The following JAG1 variants were observed in gnomAD, a reference collection of about 807,000 sequenced individuals.
JAG1 encodes protein jagged-1.
JAG1 carries 23 observed loss-of-function variants against 148.7 expected under a neutral mutation model. The observed-to-expected ratio is 0.15, with a 90% CI of 0.11 to 0.22. The LOEUF (loss-of-function observed/expected upper bound fraction) is 0.22, where lower values mean the gene tolerates loss of function less well. JAG1 is among the 10% of genes least tolerant of loss of function. JAG1 has a pLI of 1.00. For missense variants in JAG1, 1,054 were observed against 1,611.2 expected (o/e 0.65, Z 5.92); for synonymous variants, 572 against 598.3 (o/e 0.96, Z 0.64).
intron 2 of JAG1, among the ~76,000 whole-genome samples, chr20:10,670,135 A>T (rs1027790303): frequency 6.6e-6 from 1 of 152,184 alleles, no homozygotes; most frequent in Non-Finnish European, 1.5e-5. Flanking sequence ...ACACCAGAAC[A>T]TGGACTGTAT....
At position 10,639,709 on chromosome 20, in the gene JAG1, A is replaced by G; in HGVS notation, c.3446T>C (p.Ile1149Thr). 1 of 1,614,018 alleles carries G rather than the reference A, an allele frequency of 6.2e-7. No individual in the cohort carries two copies. Among genetic ancestry groups the G allele is most frequent in the Non-Finnish European group, 8.5e-7 (1 of 1,180,004 alleles). ...TTCTACTTCAGAATTGTGTGTCCTT[A>G]TTTTAGACATTTTGGAGTTCTTGTT... The part of the protein sequence containing the change: ...YENKNSKMSK[I>T]RTHNSEVEED... The change falls in exon 26 of 26, where the codon ATA becomes ACA. Residue 1149 changes from isoleucine to threonine, a missense_variant. Transcript: ENST00000254958.
chr20:10,650,476 C>G (rs1382370552), intron 8 of JAG1, 116 bp from the exon 9 acceptor site: 1 of 710,690 alleles, frequency 1.4e-6, no homozygotes, highest in Admixed American at 2.0e-5. Context: ...ACACCTGCTA[C>G]AAGGAAAGCT....
Position 10,645,274 on chromosome 20 carries a change from A to G in JAG1, c.2114-18T>C, listed in dbSNP as rs766999933. On this transcript the variant is annotated intron_variant, in intron 16 of 25. Transcript: ENST00000254958. This position sits in a 1 kb window ranked among gnomAD's most constrained non-coding sequence, Gnocchi z 6.1. ...ACTGTCACCTGGAGGAAAATATTTCAGTGTGAGTCCCAGTGGCCCCCTCCC... is the reference window on the plus strand; with the variant it reads ...ACTGTCACCTGGAGGAAAATATTTCGGTGTGAGTCCCAGTGGCCCCCTCCC... The G allele has an allele frequency of 2.4e-5, 39 of 1,611,256 alleles. No homozygotes were observed. In the Admixed American group the frequency reaches 6.5e-4, roughly 27 times the overall value.
rs2067303100 is a variant in JAG1 at position 10,645,529 on chromosome 20, G to A, written c.2000-60C>T. 2.9e-6 allele frequency: 4 copies of A among 1,361,144 alleles called. No individual in the cohort carries two copies. The highest frequency in any genetic ancestry group is 1.7e-5 in the Admixed American group (1 of 59,462). 84.3% of individuals were successfully genotyped at this position (1,361,144 alleles called of 1,614,324 possible). ...AGATCCAGGACCATTCACGACAGGC[G>A]AGAGCCAAGCCTTTCCTACTGCTTA... On this transcript the variant is annotated intron_variant, in intron 15 of 25. Transcript: ENST00000254958. This position sits in a 1 kb window ranked among gnomAD's most constrained non-coding sequence, Gnocchi z 6.1.
rs2067346533 is a variant in JAG1, at chr20:10,651,564, C to G, written c.1120+17G>C. The G allele has an allele frequency of 6.5e-7, 1 of 1,546,282 alleles. No homozygotes were observed. Among genetic ancestry groups the G allele is most frequent in the African/African-American group, 1.4e-5 (1 of 73,534 alleles). Reference sequence around the variant, plus strand: ...CAAGGATCCTTAGAATGGACACAGGCTGAAAATTGGACTTACTTGTAGAGC... The same window carrying G: ...CAAGGATCCTTAGAATGGACACAGGGTGAAAATTGGACTTACTTGTAGAGC... On this transcript the variant is annotated intron_variant, in intron 8 of 25. Coordinates refer to ENST00000254958, the MANE Select transcript of JAG1 (RefSeq NM_000214.3).
At chr20:10,652,889 G>A (rs954666648) in intron 5 of JAG1, among the ~76,000 whole-genome samples, 1 of 152,132 alleles carries the variant, frequency 6.6e-6, no homozygotes, top group Non-Finnish European at 1.5e-5. Context: ...TGAGCCAAAG[G>A]TGAAGGCATG....
intron 2 of JAG1, among the ~76,000 whole-genome samples, chr20:10,671,493 C>T (rs1360917870): frequency 6.6e-6 from 1 of 152,142 alleles, no homozygotes; most frequent in Non-Finnish European, 1.5e-5. Context: ...CATACACAGA[C>T]ACAGCCAGAT....
At chr20:10,644,436 T>G in intron 18 of JAG1, 52 bp from the exon 19 acceptor site, 5 of 1,489,556 alleles carry the variant, frequency 3.4e-6, no homozygotes, top group Non-Finnish European at 4.7e-6. Flanking sequence ...GAAAGCGGTC[T>G]TAGCCCTAAG....
At position 10,638,578 on chromosome 20, in the gene JAG1, G is replaced by C. The variant is rs1054934856; in HGVS notation, c.*920C>G. The C allele has an allele frequency of 2.6e-5, 4 of 152,586 alleles. No homozygotes were observed. The highest frequency in any genetic ancestry group is 9.7e-5 in the African/African-American group (4 of 41,422). 9.5% of individuals were successfully genotyped at this position (152,586 alleles called of 1,614,324 possible). A position where few individuals can be genotyped will look rare whatever the true frequency, so the allele number is the denominator to read the frequency against. On this transcript the variant is annotated 3_prime_UTR_variant, in exon 26 of 26. Transcript: ENST00000254958. Reference sequence around the variant, plus strand: ...CTAAACTAATCCTCAAACTGCCTCAGTCAGTCCTTAAAACGTGTTTTAAGT... The same window carrying C: ...CTAAACTAATCCTCAAACTGCCTCACTCAGTCCTTAAAACGTGTTTTAAGT...
At chr20:10,641,729 T>G (rs769685437) in intron 22 of JAG1, 36 bp from the exon 23 acceptor site, 1 of 1,610,860 alleles carries the variant, frequency 6.2e-7, no homozygotes, top group Non-Finnish European at 8.5e-7. Flanking sequence ...TTAGCAGGCA[T>G]GCTCATCCCT....
intron 19 of JAG1, 90 bp from the exon 20 acceptor site, chr20:10,643,953 C>G (rs761219587): frequency 5.3e-6 from 5 of 950,052 alleles, no homozygotes; most frequent in Non-Finnish European, 8.4e-6. Context: ...CAGTTACAGT[C>G]AGTGGCTCTC....
In JAG1 at chr20:10,673,381, C is replaced by T. The variant is rs1215835770; in HGVS notation, c.81+69G>A. On this transcript the variant is annotated intron_variant, in intron 1 of 25. Coordinates refer to ENST00000254958, the MANE Select transcript of JAG1 (RefSeq NM_000214.3). The surrounding 1 kb of genome is among the most constrained non-coding windows in gnomAD (Gnocchi z 4.7). ...GGCTGCCGAGCCTGCTCGCGGGGCTCAACCGCCCAGGGCGCCGCGAGGGGA... is the reference window on the plus strand; with the variant it reads ...GGCTGCCGAGCCTGCTCGCGGGGCTTAACCGCCCAGGGCGCCGCGAGGGGA... 2 of 1,206,858 alleles carry T rather than the reference C, an allele frequency of 1.7e-6. No individual in the cohort carries two copies. The highest frequency in any genetic ancestry group is 2.3e-6 in the Non-Finnish European group (2 of 888,230). 74.8% of individuals were successfully genotyped at this position (1,206,858 alleles called of 1,614,324 possible).
intron 2 of JAG1, among the ~76,000 whole-genome samples, chr20:10,667,893 C>T (rs985617200): frequency 2.6e-5 from 4 of 152,104 alleles, no homozygotes; most frequent in African/African-American, 4.8e-5. Flanking sequence ...CAGCCAAGCA[C>T]AACGGTCTGG....
chr20:10,656,605 G>C, intron 4 of JAG1, 147 bp from the exon 5 acceptor site: 3 of 685,788 alleles, frequency 4.4e-6, no homozygotes, highest in Non-Finnish European at 7.8e-6. Flanking sequence ...AGGAAGATGG[G>C]AGGGGCCCAA....
rs2067514305 is a variant in JAG1, at chr20:10,673,581, CTGGTGCTGCCGCCGG to C, written c.-66_-52del. ...CGGGACGCCGCCGCTGCTGTTCGCG[CTGGTGCTGCCGCCGG>C]TGCTGCCGTCGCCGCTGCCCCTGCG... On this transcript the variant is annotated 5_prime_UTR_variant, in exon 1 of 26. Coordinates refer to ENST00000254958, the MANE Select transcript of JAG1 (RefSeq NM_000214.3). The surrounding 1 kb of genome is among the most constrained non-coding windows in gnomAD (Gnocchi z 4.7). 9.2e-7 allele frequency: 1 copy of C among 1,081,322 alleles called. No individual in the cohort carries two copies. Among genetic ancestry groups the C allele is most frequent in the African/African-American group, 1.7e-5 (1 of 60,342 alleles). The allele number at this position is 1,081,322 out of a possible 1,614,324, so 67.0% of individuals were successfully genotyped here. A position where few individuals can be genotyped will look rare whatever the true frequency, so the allele number is the denominator to read the frequency against.
intron 2 of JAG1, among the ~76,000 whole-genome samples, chr20:10,668,146 C>A (rs1044315833): frequency 1.4e-5 from 2 of 147,836 alleles, no homozygotes; most frequent in African/African-American, 5.0e-5. Context: ...GTGGTCCATG[C>A]GGTAATCAGA....
At chr20:10,652,319 C>A in intron 6 of JAG1, 69 bp from the exon 7 acceptor site, 1 of 1,605,620 alleles carries the variant, frequency 6.2e-7, no homozygotes, top group Non-Finnish European at 8.5e-7. Context: ...GTTTCTAGCC[C>A]CAGTCGTCTT....
At position 10,666,814 on chromosome 20, in the gene JAG1, T is replaced by C. The variant is rs1049033041; in HGVS notation, c.388-2800A>G. On this transcript the variant is annotated intron_variant, in intron 2 of 25. Transcript: ENST00000254958. ...GAATGGTCAGCCTTCGGAATTGCTT[T>C]TTGGAAGATTTCTGTGGAATTCTAC... Among the ~76,000 whole-genome samples, 6 of 152,304 alleles carry C rather than the reference T, an allele frequency of 3.9e-5. No homozygotes were observed. In the East Asian group the frequency reaches 1.2e-3, roughly 29 times the overall value.
intron 2 of JAG1, among the ~76,000 whole-genome samples, chr20:10,664,505 G>A (rs181143783): frequency 6.6e-6 from 1 of 152,250 alleles, no homozygotes; most frequent in Admixed American, 6.5e-5. Flanking sequence ...AGTCTCTAGG[G>A]AGGCCCCCTT....
Sources: allele counts gnomAD v4.1 joint callset (sites outside exome capture counted in the v4.1 genomes callset), GRCh38; gene constraint gnomAD v4.1.1; non-coding constraint Gnocchi (gnomAD v3.1); transcripts MANE v1.5; gene names NCBI Gene and HGNC (gene_info 2026-07-23, HGNC 2026-07-21).